The following AZIN2 variants were observed in gnomAD, a reference collection of about 807,000 sequenced individuals.
The protein encoded by AZIN2 is ODC antizyme inhibitor-2.
Under a neutral mutation model 47.8 loss-of-function variants are expected in AZIN2, and 28 were observed. The observed-to-expected ratio is 0.59, with a 90% CI of 0.43 to 0.80. AZIN2 has a LOEUF of 0.80. Among genes scored for constraint, AZIN2 ranks in the 30% least tolerant of loss-of-function variants. The probability of loss-of-function intolerance (pLI) is 0.00; values close to 1 mark genes in which losing one functional copy is unlikely to be tolerated. For synonymous variants in AZIN2, 221 were observed against 239.4 expected (o/e 0.92, Z 0.71); for missense variants, 535 against 582.5 (o/e 0.92, Z 0.84).
chr1:33,086,037 A>C (rs60516159), intron 5 of AZIN2, among the ~76,000 whole-genome samples: 4,043 of 152,104 alleles, frequency 0.027, 190 homozygotes, highest in African/African-American at 0.092. Context: ...CAGGGGGAGG[A>C]GCTTGGTTCT....
chr1:33,156,766 A>G, the AZIN2 span, among the ~76,000 whole-genome samples: 1 of 152,090 alleles, frequency 6.6e-6, no homozygotes, highest in East Asian at 1.9e-4. Context: ...TGAGATAACT[A>G]ATTGGCATCA....
the AZIN2 span, among the ~76,000 whole-genome samples, chr1:33,131,287 G>C: frequency 2.0e-5 from 3 of 152,150 alleles, no homozygotes; most frequent in East Asian, 5.8e-4. Context: ...CTAGGCACTG[G>C]GGACAAACAA....
downstream of AZIN2, among the ~76,000 whole-genome samples, chr1:33,128,203 CAAAAAAAAA>C (rs34284839): frequency 1.2e-5 from 1 of 83,704 alleles, no homozygotes; most frequent in African/African-American, 4.3e-5. Context: ...CCCACCTCTC[CAAAAAAAAA>C]AAAAAAAAAA....
At chr1:33,161,637 C>T in the AZIN2 span, among the ~76,000 whole-genome samples, 2 of 152,142 alleles carry the variant, frequency 1.3e-5, no homozygotes, top group African/African-American at 4.8e-5. This position sits in a 1 kb window ranked among gnomAD's most constrained non-coding sequence, Gnocchi z 4.3. Flanking sequence ...CTGCCGTGGC[C>T]TTCCTGAGCC....
chr1:33,120,245 G>A lies in AZIN2; in HGVS notation c.*63G>A. The stretch of plus-strand genomic sequence containing the variant: ...TCAGAGATGCATCTGGGAGAGGTGG[G>A]GAAGATGGCAGGCAAGGGTACCCTT... On this transcript the variant is annotated 3_prime_UTR_variant, in exon 12 of 12. Coordinates refer to ENST00000294517, the MANE Select transcript of AZIN2 (RefSeq NM_052998.4). 1 of 1,541,304 alleles carries A rather than the reference G, an allele frequency of 6.5e-7. No individual in the cohort carries two copies. Among genetic ancestry groups the A allele is most frequent in the Admixed American group, 1.8e-5 (1 of 54,062 alleles).
intron 10 of AZIN2, among the ~76,000 whole-genome samples, chr1:33,111,666 G>GA (rs1644293416): frequency 6.6e-6 from 1 of 151,190 alleles, no homozygotes; most frequent in Non-Finnish European, 1.5e-5. Context: ...GGAGTGCAGT[G>GA]GCTCGGCTCA....
intron 7 of AZIN2, 152 bp downstream of exon 7, chr1:33,093,568 A>G (rs550385146): frequency 8.6e-7 from 1 of 1,159,150 alleles, no homozygotes; most frequent in East Asian, 2.7e-5. Flanking sequence ...CCTCTGTTTG[A>G]AAAGGAAGTT....
chr1:33,126,140 T>C (rs1644855008), downstream of AZIN2, among the ~76,000 whole-genome samples: 1 of 152,202 alleles, frequency 6.6e-6, no homozygotes, highest in Non-Finnish European at 1.5e-5. Flanking sequence ...AGGGCAAAGA[T>C]TTGTTTATTT....
At chr1:33,102,005 C>T (rs1187864333) in intron 10 of AZIN2, 3 of 671,456 alleles carry the variant, frequency 4.5e-6, no homozygotes, top group African/African-American at 1.8e-5. Context: ...TCTTGTTTCC[C>T]TCTCTCTGAT....
At chr1:33,082,484 G>T (rs903130117) in intron 4 of AZIN2, 130 bp downstream of exon 4, 3 of 647,728 alleles carry the variant, frequency 4.6e-6, no homozygotes, top group Non-Finnish European at 7.7e-6. Context: ...ATTTGCAAGA[G>T]AGGGGCTCAA....
chr1:33,147,161 T>G, the AZIN2 span: 2 of 1,609,086 alleles, frequency 1.2e-6, no homozygotes, highest in Non-Finnish European at 1.7e-6. This position sits in a 1 kb window ranked among gnomAD's most constrained non-coding sequence, Gnocchi z 8.1. Flanking sequence ...GAGGTTGTGG[T>G]CTCCTTCTGC....
At chr1:33,084,222 C>T (rs1294334674) in intron 5 of AZIN2, 95 bp downstream of exon 5, 2 of 1,479,354 alleles carry the variant, frequency 1.4e-6, no homozygotes, top group East Asian at 4.6e-5. Flanking sequence ...GCAAGAGGTA[C>T]CTGTAGTTGG....
At chr1:33,157,109 C>G in the AZIN2 span, among the ~76,000 whole-genome samples, 2 of 152,158 alleles carry the variant, frequency 1.3e-5, no homozygotes, top group South Asian at 4.1e-4. Context: ...CTTCATGGCT[C>G]CAAGCCCTCC....
At chr1:33,087,690 C>T (rs571959619) in intron 5 of AZIN2, among the ~76,000 whole-genome samples, 35 of 152,152 alleles carry the variant, frequency 2.3e-4, no homozygotes, top group African/African-American at 8.2e-4. Context: ...CCTGCCTTGG[C>T]CTCCCAAAGT....
At chr1:33,159,601 G>A in the AZIN2 span, 2 of 1,483,052 alleles carry the variant, frequency 1.3e-6, no homozygotes, top group South Asian at 2.6e-5. The surrounding 1 kb of genome is among the most constrained non-coding windows in gnomAD (Gnocchi z 4.2). Flanking sequence ...TCTCTGCTAA[G>A]GATCCCATCT....
At chr1:33,147,012 G>A in the AZIN2 span, 1 of 667,302 alleles carries the variant, frequency 1.5e-6, no homozygotes, top group Non-Finnish European at 2.6e-6. The surrounding 1 kb of genome is among the most constrained non-coding windows in gnomAD (Gnocchi z 8.1). Context: ...AGTTTAGGAA[G>A]TAGGGAATGC....
intron 10 of AZIN2, among the ~76,000 whole-genome samples, chr1:33,116,979 A>G (rs1246015202): frequency 6.6e-6 from 1 of 152,228 alleles, no homozygotes; most frequent in Non-Finnish European, 1.5e-5. Flanking sequence ...TGACTCTAGG[A>G]TCTGCCTGGC....
chr1:33,131,364 G>C, the AZIN2 span, among the ~76,000 whole-genome samples: 5 of 152,184 alleles, frequency 3.3e-5, no homozygotes, highest in Non-Finnish European at 5.9e-5. Flanking sequence ...TAAGATTGAG[G>C]CTAGGACTTT....
At chr1:33,154,423 T>C in the AZIN2 span, among the ~76,000 whole-genome samples, 2 of 152,194 alleles carry the variant, frequency 1.3e-5, no homozygotes, top group Non-Finnish European at 2.9e-5. Flanking sequence ...ATCTGGGGCC[T>C]GCCAGCTTCT....
Sources: gnomAD v4.1 joint callset for allele counts (sites outside exome capture counted in the v4.1 genomes callset) on GRCh38, gnomAD v4.1.1 for gene constraint, Gnocchi (gnomAD v3.1) non-coding constraint, MANE v1.5 for transcripts, NCBI Gene and HGNC (gene_info 2026-07-23, HGNC 2026-07-21) for gene names.